The following NRG3 variants were observed in gnomAD, a reference collection of about 807,000 sequenced individuals.
The protein encoded by NRG3 is neuregulin 3.
NRG3 carries 31 observed loss-of-function variants against 66.9 expected under a neutral mutation model. That is an observed-to-expected ratio of 0.46 (90% confidence interval 0.35 to 0.63). The LOEUF is 0.63. NRG3 is among the 20% of genes least tolerant of loss of function. The probability of loss-of-function intolerance (pLI) is 0.00; values close to 1 mark genes in which losing one functional copy is unlikely to be tolerated. For synonymous variants in NRG3, 393 were observed against 359.4 expected, an observed-to-expected ratio of 1.09 and a Z score of -1.06; for missense variants, 910 against 878.9, an observed-to-expected ratio of 1.04 and a Z score of -0.45.
intron 1 of NRG3, among the ~76,000 whole-genome samples, chr10:82,300,502 C>T (rs1447150746): frequency 1.3e-5 from 2 of 152,092 alleles, no homozygotes; most frequent in African/African-American, 4.8e-5. Flanking sequence ...ATGTTCATCC[C>T]TTATTTTCTT....
intron 2 of NRG3, among the ~76,000 whole-genome samples, chr10:82,502,088 G>T (rs974010256): frequency 1.3e-5 from 2 of 152,188 alleles, no homozygotes; most frequent in African/African-American, 4.8e-5. Context: ...AATGCTATGG[G>T]TGAGATAAGC....
chr10:81,962,259 G>T (rs990112083), intron 1 of NRG3, among the ~76,000 whole-genome samples: 1 of 152,090 alleles, frequency 6.6e-6, no homozygotes, highest in Non-Finnish European at 1.5e-5. Flanking sequence ...CCACTTCATT[G>T]GTTATTAAAT....
At chr10:82,814,876 A>G (rs1319309220) in intron 3 of NRG3, among the ~76,000 whole-genome samples, 1 of 152,192 alleles carries the variant, frequency 6.6e-6, no homozygotes, top group Non-Finnish European at 1.5e-5. Context: ...TTTAATCCTC[A>G]CAACTCTGTG....
intron 1 of NRG3, among the ~76,000 whole-genome samples, chr10:82,100,467 A>G (rs999289838): frequency 2.6e-5 from 4 of 152,072 alleles, no homozygotes; most frequent in Admixed American, 6.6e-5. Context: ...TCTTGAACTT[A>G]GGAGAAATCA....
intron 1 of NRG3, among the ~76,000 whole-genome samples, chr10:81,900,595 T>C (rs925603062): frequency 1.3e-5 from 2 of 152,216 alleles, no homozygotes; most frequent in African/African-American, 4.8e-5. Context: ...GAAAATTTCA[T>C]TTAGCTGAAT....
chr10:82,799,302 C>T (rs1015275222), intron 3 of NRG3, among the ~76,000 whole-genome samples: 1 of 151,898 alleles, frequency 6.6e-6, no homozygotes, highest in East Asian at 1.9e-4. Context: ...CCAAGGCGGG[C>T]GGATCACCGA....
intron 2 of NRG3, among the ~76,000 whole-genome samples, chr10:82,729,345 T>C (rs985695916): frequency 1.3e-4 from 20 of 152,248 alleles, no homozygotes; most frequent in Admixed American, 7.2e-4. Context: ...AGGGCAATTA[T>C]TATTTTATTA....
intron 3 of NRG3, among the ~76,000 whole-genome samples, chr10:82,814,050 T>A (rs1239957758): frequency 6.6e-6 from 1 of 152,242 alleles, no homozygotes; most frequent in East Asian, 1.9e-4. Flanking sequence ...TTCTTTTCAT[T>A]GCTAATCATT....
intron 1 of NRG3, among the ~76,000 whole-genome samples, chr10:82,100,989 G>A (rs1282911469): frequency 6.6e-6 from 1 of 151,922 alleles, no homozygotes; most frequent in Non-Finnish European, 1.5e-5. Context: ...TTTATTTGTT[G>A]GAAAGTTTTT....
At chr10:82,690,860 A>G (rs1266778187) in intron 2 of NRG3, among the ~76,000 whole-genome samples, 1 of 152,164 alleles carries the variant, frequency 6.6e-6, no homozygotes, top group Admixed American at 6.5e-5. Context: ...ATGATGTAAA[A>G]ATAAAGTTTA....
intron 1 of NRG3, among the ~76,000 whole-genome samples, chr10:82,242,401 G>A (rs997530966): frequency 1.3e-5 from 2 of 152,134 alleles, no homozygotes; most frequent in Admixed American, 1.3e-4. Flanking sequence ...AAATATATTA[G>A]GGACAAAGAA....
At chr10:82,429,760 T>C (rs2089675516) in intron 2 of NRG3, among the ~76,000 whole-genome samples, 1 of 152,202 alleles carries the variant, frequency 6.6e-6, no homozygotes. Context: ...ATGCACATAT[T>C]AGTAAGCTTC....
intron 1 of NRG3, among the ~76,000 whole-genome samples, chr10:81,916,742 G>T (rs994393216): frequency 2.0e-5 from 3 of 152,168 alleles, no homozygotes; most frequent in Non-Finnish European, 4.4e-5. Context: ...TGTATTTGAG[G>T]CACATCTTTT....
intron 4 of NRG3, among the ~76,000 whole-genome samples, chr10:82,937,127 T>G (rs1273402419): frequency 6.6e-6 from 1 of 152,232 alleles, no homozygotes; most frequent in Admixed American, 6.5e-5. Context: ...CTTGAGGAAT[T>G]GGAAATTGTT....
At chr10:82,001,418 G>A (rs180939687) in intron 1 of NRG3, among the ~76,000 whole-genome samples, 1 of 152,110 alleles carries the variant, frequency 6.6e-6, no homozygotes, top group African/African-American at 2.4e-5. Context: ...CAGGAGAATT[G>A]CTTAAACTCA....
At chr10:82,778,515 C>T (rs2059993325) in intron 3 of NRG3, among the ~76,000 whole-genome samples, 1 of 152,154 alleles carries the variant, frequency 6.6e-6, no homozygotes, top group Admixed American at 6.5e-5. Context: ...GCCTCACAAA[C>T]TCACTCATTA....
At chr10:82,243,249 G>A (rs2077082255) in intron 1 of NRG3, among the ~76,000 whole-genome samples, 1 of 151,980 alleles carries the variant, frequency 6.6e-6, no homozygotes, top group Non-Finnish European at 1.5e-5. Flanking sequence ...TAGTAAATAT[G>A]CAAAAATCAA....
At chr10:82,267,250 C>A (rs1015830048) in intron 1 of NRG3, among the ~76,000 whole-genome samples, 27 of 152,118 alleles carry the variant, frequency 1.8e-4, no homozygotes, top group Admixed American at 5.9e-4. Flanking sequence ...CTATCACATG[C>A]ATACACGCAT....
chr10:82,002,576 A>G (rs1297134737), intron 1 of NRG3, among the ~76,000 whole-genome samples: 1 of 152,186 alleles, frequency 6.6e-6, no homozygotes, highest in Non-Finnish European at 1.5e-5. Flanking sequence ...GTCATGGAAC[A>G]TGGTCCCAGT....
Sources: allele counts gnomAD v4.1 joint callset (sites outside exome capture counted in the v4.1 genomes callset), GRCh38; gene constraint gnomAD v4.1.1; transcripts MANE v1.5; gene names NCBI Gene and HGNC (gene_info 2026-07-23, HGNC 2026-07-21).